HAUS5: variants seen among roughly 807,000 people sequenced by gnomAD.
HAUS5 encodes the protein HAUS augmin like complex subunit 5.
HAUS5 carries 67 observed loss-of-function variants against 94.1 expected under a neutral mutation model. That is an observed-to-expected ratio of 0.71 (90% CI 0.58 to 0.87). HAUS5 has a LOEUF of 0.87. Ranked by LOEUF, HAUS5 falls within the 40% of genes least tolerant of loss-of-function variation. The probability of loss-of-function intolerance (pLI) is 0.00; values close to 1 mark genes in which losing one functional copy is unlikely to be tolerated. For synonymous variants in HAUS5, 339 were observed against 355.4 expected (o/e 0.95, Z 0.52); for missense variants, 739 against 825.6 (o/e 0.90, Z 1.29).
Position 35,617,846 on chromosome 19 carries a change from A to G in HAUS5, c.639-9A>G, listed in dbSNP as rs371645254. 11 of 1,613,530 alleles carry G rather than the reference A, an allele frequency of 6.8e-6. No homozygotes were observed. In the African/African-American group the frequency reaches 1.5e-4, roughly 22 times the overall value. On this transcript the variant is annotated splice_polypyrimidine_tract_variant and intron_variant, in intron 8 of 18. Coordinates refer to ENST00000203166, the MANE Select transcript of HAUS5 (RefSeq NM_015302.2). ...GTAACGTTCTCTGTCCGCTTACCCA[A>G]CCCCACAGAACCCCTCATGATGACC...
At position 35,623,107 on chromosome 19, in the gene HAUS5, C is replaced by T. The variant is rs11537922; in HGVS notation, c.*114C>T. On this transcript the variant is annotated 3_prime_UTR_variant, in exon 19 of 19. Coordinates refer to ENST00000203166, the MANE Select transcript of HAUS5 (RefSeq NM_015302.2). ...GGATTCCTCGGCAGTCGTCCCCACC[C>T]GCACCTGCAGTCCCCTCATGTGCTG... 10,958 of 723,648 alleles carry T rather than the reference C, an allele frequency of 0.015. 203 individuals are homozygous for T. Among genetic ancestry groups the T allele is most frequent in the Admixed American group, 0.076 (3,179 of 41,790 alleles). 44.8% of individuals were successfully genotyped at this position (723,648 alleles called of 1,614,324 possible). A position where few individuals can be genotyped will look rare whatever the true frequency, so the allele number is the denominator to read the frequency against.
At chr19:35,615,473 G>T (rs2071935041) in intron 6 of HAUS5, 87 bp downstream of exon 6, 4 of 1,085,842 alleles carry the variant, frequency 3.7e-6, no homozygotes, top group Non-Finnish European at 3.9e-6. Flanking sequence ...CCCTTCTTGG[G>T]TTCCAGAATT....
chr19:35,613,620 C>A, intron 1 of HAUS5, 110 bp from the exon 2 acceptor site: 12 of 829,724 alleles, frequency 1.4e-5, no homozygotes, highest in Non-Finnish European at 2.1e-5. Context: ...CTTCCCTCCT[C>A]AAGAAGTGAG....
rs954410614 is a variant in HAUS5, at chr19:35,623,077, C to T, written c.*84C>T. The T allele has an allele frequency of 7.3e-6, 7 of 958,862 alleles. No individual in the cohort carries two copies. Among genetic ancestry groups the T allele is most frequent in the African/African-American group, 1.6e-5 (1 of 61,534 alleles). 59.4% of individuals were successfully genotyped at this position (958,862 alleles called of 1,614,324 possible). On this transcript the variant is annotated 3_prime_UTR_variant, in exon 19 of 19. Coordinates refer to ENST00000203166, the MANE Select transcript of HAUS5 (RefSeq NM_015302.2). ...CCCCAGGACATTTGGAAGAAAGCAG[C>T]GCCAGGATTCCTCGGCAGTCGTCCC... is the stretch of plus-strand genomic sequence containing the variant.
intron 6 of HAUS5, among the ~76,000 whole-genome samples, 175 bp from the exon 7 acceptor site, chr19:35,616,949 T>C (rs1393529307): frequency 6.6e-6 from 1 of 152,078 alleles, no homozygotes; most frequent in Non-Finnish European, 1.5e-5. Context: ...GCAAAAGCAG[T>C]GGGGAGGCTA....
rs1165449149 is a variant in HAUS5, at chr19:35,615,110, G to A, written c.288G>A (p.Gln96=). Residue 96 remains glutamine, a synonymous_variant, in exon 5 of 19, where the codon CAG becomes CAA. Coordinates refer to ENST00000203166, the MANE Select transcript of HAUS5 (RefSeq NM_015302.2). ...GGGCAGAAATCCAGGAACTCGACCA[G>A]AGCCTGGAGCTGATGGAGCGAGACA... ...RLRAEIQELD[Q]SLELMERDTE... The A allele has an allele frequency of 1.2e-6, 2 of 1,609,600 alleles. No individual in the cohort carries two copies. Among genetic ancestry groups the A allele is most frequent in the South Asian group, 1.1e-5 (1 of 90,286 alleles).
chr19:35,619,553 A>T (rs761070830), intron 14 of HAUS5, 49 bp downstream of exon 14: 3 of 1,604,810 alleles, frequency 1.9e-6, no homozygotes, highest in Middle Eastern at 1.7e-4. Flanking sequence ...ATCTGCCAGG[A>T]TGGGGCTGGG....
chr19:35,612,989 T>G, intron 1 of HAUS5, 97 bp downstream of exon 1: 16 of 868,864 alleles, frequency 1.8e-5, no homozygotes, highest in Non-Finnish European at 2.2e-5. Flanking sequence ...CTCCCCCCAA[T>G]TCCCCATCGA....
chr19:35,623,255 A>C lies in HAUS5; in HGVS notation c.*262A>C, dbSNP rs1177980218. ...TGAGCACCTCCTCTAGGCGCTGGGG[A>C]GTCCACACTGAACAAAAGAAACAGA... is the stretch of plus-strand genomic sequence containing the variant. On this transcript the variant is annotated 3_prime_UTR_variant, in exon 19 of 19. Transcript: ENST00000203166. 1 of 434,446 alleles carries C rather than the reference A, an allele frequency of 2.3e-6. No individual in the cohort carries two copies. Among genetic ancestry groups the C allele is most frequent in the African/African-American group, 2.0e-5 (1 of 49,564 alleles). 26.9% of individuals were successfully genotyped at this position (434,446 alleles called of 1,614,324 possible). A position where few individuals can be genotyped will look rare whatever the true frequency, so the allele number is the denominator to read the frequency against.
Position 35,623,185 on chromosome 19 carries a change from C to T in HAUS5, c.*192C>T, listed in dbSNP as rs1967245072. On this transcript the variant is annotated 3_prime_UTR_variant, in exon 19 of 19. Transcript: ENST00000203166. ...CCTGTCCTTTCATCCCGCTAAAGCA[C>T]CCCCTAAAACCCCTTCATCACTTTC... The T allele has an allele frequency of 5.2e-6, 3 of 579,968 alleles. No homozygotes were observed. The highest frequency in any genetic ancestry group is 2.1e-5 in the South Asian group (1 of 47,270). 35.9% of individuals were successfully genotyped at this position (579,968 alleles called of 1,614,324 possible).
Position 35,617,364 on chromosome 19 carries a change from C to T in HAUS5, c.633C>T (p.Ser211=). Residue 211 remains serine (S), a synonymous_variant, in exon 8 of 19, where the codon AGC becomes AGT. Transcript: ENST00000203166. ...NLLLPQAKRG[S]LPTPHDDHFG... is the part of the protein sequence containing the mutation. ...TGCTTCCCCAGGCCAAGAGGGGCAG[C>T]CTCCCGTGAGTGTCCCTAGCCCCCA... 1 of 1,610,456 alleles carries T rather than the reference C, an allele frequency of 6.2e-7. No individual in the cohort carries two copies. The highest frequency in any genetic ancestry group is 8.5e-7 in the Non-Finnish European group (1 of 1,176,654).
rs770976689 is a variant in HAUS5 at position 35,618,455 on chromosome 19, A to G, written c.875A>G (p.His292Arg). 1 of 1,613,284 alleles carries G rather than the reference A, an allele frequency of 6.2e-7. No homozygotes were observed. The highest frequency in any genetic ancestry group is 8.5e-7 in the Non-Finnish European group (1 of 1,179,700). Residue 292 changes from histidine (H) to arginine (R), a missense_variant, in exon 11 of 19, where the codon CAT becomes CGT. His to Arg is a conservative substitution (Grantham distance 29). Transcript: ENST00000203166. Reference protein sequence around the residue: ...DSSQTLPSMVHLIQEGWRTVG... With the variant: ...DSSQTLPSMVRLIQEGWRTVG... Reference sequence around the variant, plus strand: ...AGCCAGACCCTGCCGTCCATGGTTCATCTCATCCAGGTGACCCCAGGGCTC... The same window carrying G: ...AGCCAGACCCTGCCGTCCATGGTTCGTCTCATCCAGGTGACCCCAGGGCTC...
chr19:35,617,164 G>T lies in HAUS5; in HGVS notation c.526G>T (p.Ala176Ser). 1 of 1,614,092 alleles carries T rather than the reference G, an allele frequency of 6.2e-7. No homozygotes were observed. The highest frequency in any genetic ancestry group is 8.5e-7 in the Non-Finnish European group (1 of 1,179,932). The stretch of plus-strand genomic sequence containing the variant: ...TGTGACCTTTGGATCCCTCACGTCG[G>T]CAGCTCTGGGCCTGGAGCCCGTGGT... ...VDVTFGSLTS[A>S]ALGLEPVVLR... The change falls in exon 7 of 19, where the codon GCA becomes TCA. Residue 176 changes from alanine (A) to serine (S), a missense_variant. Transcript: ENST00000203166.
At position 35,615,275 on chromosome 19, in the gene HAUS5, G is replaced by A. The variant is rs201544133; in HGVS notation, c.374G>A (p.Arg125Gln). ...ARQHTQDTQRRALLLRAQAGA... is the reference protein window; with the variant it reads ...ARQHTQDTQRQALLLRAQAGA... ...CAGCACACTCAAGACACCCAGCGTC[G>A]AGCTCTCCTCCTCCGGGCCCAAGCT... The change falls in exon 6 of 19, where the codon CGA becomes CAA. Residue 125 changes from arginine (R) to glutamine (Q), a missense_variant. Arg to Gln is a conservative substitution (Grantham distance 43). Coordinates refer to ENST00000203166, the MANE Select transcript of HAUS5 (RefSeq NM_015302.2). The A allele has an allele frequency of 5.5e-5, 88 of 1,613,846 alleles. 1 individual carries two copies. Among genetic ancestry groups the A allele is most frequent in the South Asian group, 3.6e-4 (33 of 91,066 alleles).
rs1360419872 is a variant in HAUS5, at chr19:35,613,989, C to A, written c.195-46C>A. The A allele has an allele frequency of 3.7e-6, 6 of 1,611,768 alleles. No homozygotes were observed. The South Asian group carries it at 5.5e-5, about 15-fold the overall frequency. ...ACAGCATCACACCTATTGCCCTCCC[C>A]CCTAGAAGCCCCACTCATCCGCTGA... On this transcript the variant is annotated intron_variant, in intron 3 of 18. Coordinates refer to ENST00000203166, the MANE Select transcript of HAUS5 (RefSeq NM_015302.2).
intron 1 of HAUS5, 43 bp from the exon 2 acceptor site, chr19:35,613,687 C>A: frequency 6.3e-7 from 1 of 1,575,364 alleles, no homozygotes; most frequent in Non-Finnish European, 8.7e-7. Context: ...ATCCCACACC[C>A]TGTGTGCTGC....
At chr19:35,615,454 T>TAAGA in intron 6 of HAUS5, 68 bp downstream of exon 6, 1 of 1,215,018 alleles carries the variant, frequency 8.2e-7, no homozygotes. Context: ...CTCAGGGCTC[T>TAAGA]GCCCTGATCC....
At chr19:35,613,012 T>TA (rs921712701) in intron 1 of HAUS5, 120 bp downstream of exon 1, 1 of 714,956 alleles carries the variant, frequency 1.4e-6, no homozygotes, top group African/African-American at 1.9e-5. Context: ...GTGACCCGAC[T>TA]TACTGAGGGC....
rs1439828966 is a variant in HAUS5 at position 35,624,607 on chromosome 19, CCAT to C, written c.*1615_*1617del. The C allele has an allele frequency of 6.6e-6, 1 of 152,112 alleles. No individual in the cohort carries two copies. Among genetic ancestry groups the C allele is most frequent in the Non-Finnish European group, 1.5e-5 (1 of 68,042 alleles). The allele number at this position is 152,112 out of a possible 1,614,324, so 9.4% of individuals were successfully genotyped here. On this transcript the variant is annotated 3_prime_UTR_variant, in exon 19 of 19. Coordinates refer to ENST00000203166, the MANE Select transcript of HAUS5 (RefSeq NM_015302.2). ...TAGCTGGGATTACAGGCACCCACCACCATATCTGGCTAATATTTGTATTTTTTG... is the reference window on the plus strand; with the variant it reads ...TAGCTGGGATTACAGGCACCCACCACATCTGGCTAATATTTGTATTTTTTG...
Sources: gnomAD v4.1 joint callset for allele counts (sites outside exome capture counted in the v4.1 genomes callset) on GRCh38, gnomAD v4.1.1 for gene constraint, MANE v1.5 for transcripts, NCBI Gene and HGNC (gene_info 2026-07-23, HGNC 2026-07-21) for gene names.